RPRD1A: variants seen among roughly 807,000 people sequenced by gnomAD.
RPRD1A encodes regulation of nuclear pre-mRNA domain containing 1A.
A neutral mutation model predicts 37.8 loss-of-function variants in RPRD1A; 9 were observed. That is an observed-to-expected ratio of 0.24 (90% CI 0.14 to 0.42). RPRD1A has a LOEUF of 0.42. Among genes scored for constraint, RPRD1A ranks in the 10% least tolerant of loss-of-function variants. RPRD1A has a pLI of 1.00. For missense variants in RPRD1A, 255 were observed against 371.0 expected, an observed-to-expected ratio of 0.69 and a Z score of 2.57; for synonymous variants, 138 against 139.7, an observed-to-expected ratio of 0.99 and a Z score of 0.08.
chr18:36,030,965 G>C (rs768960018), intron 3 of RPRD1A, 26 bp downstream of exon 3: 1 of 1,595,096 alleles, frequency 6.3e-7, no homozygotes, highest in South Asian at 1.1e-5. Flanking sequence ...AGAGATCAAG[G>C]TAAGAGATCA....
chr18:36,054,891 G>A (rs1568150610), intron 1 of RPRD1A, among the ~76,000 whole-genome samples: 1 of 152,140 alleles, frequency 6.6e-6, no homozygotes. Flanking sequence ...CTCAAAGGCA[G>A]TCAGCAGAAG....
chr18:36,045,684 T>C (rs2144355018), intron 1 of RPRD1A, among the ~76,000 whole-genome samples: 1 of 152,296 alleles, frequency 6.6e-6, no homozygotes, highest in South Asian at 2.1e-4. Flanking sequence ...CCTGATGAAA[T>C]GATGGGTCTA....
chr18:36,052,177 A>T (rs538361920), intron 1 of RPRD1A, among the ~76,000 whole-genome samples: 1 of 148,430 alleles, frequency 6.7e-6, no homozygotes, highest in South Asian at 2.1e-4. Context: ...AAAAACTGTC[A>T]ACCAAGATTT....
intron 1 of RPRD1A, among the ~76,000 whole-genome samples, chr18:36,050,557 C>T (rs1002815360): frequency 1.3e-5 from 2 of 151,954 alleles, no homozygotes; most frequent in Non-Finnish European, 2.9e-5. Context: ...CAAAAAACAA[C>T]TCAATTCAAA....
At chr18:36,049,723 T>C (rs889271515) in intron 1 of RPRD1A, among the ~76,000 whole-genome samples, 2 of 152,220 alleles carry the variant, frequency 1.3e-5, no homozygotes, top group Admixed American at 1.3e-4. Flanking sequence ...TGTTGGACAC[T>C]TGGGTTGCTT....
intron 4 of RPRD1A, 74 bp from the exon 5 acceptor site, chr18:36,027,384 T>G (rs1911446419): frequency 3.9e-6 from 6 of 1,526,956 alleles, no homozygotes; most frequent in Non-Finnish European, 5.4e-6. Context: ...TTTCATATTC[T>G]TTCATCCCTA....
chr18:36,040,753 A>G, intron 1 of RPRD1A: 1 of 1,125,596 alleles, frequency 8.9e-7, no homozygotes, highest in Non-Finnish European at 1.2e-6. Flanking sequence ...AAAATTTCTA[A>G]GCTTTTTAGG....
intron 1 of RPRD1A, among the ~76,000 whole-genome samples, chr18:36,049,091 G>A (rs945929208): frequency 1.3e-5 from 2 of 152,112 alleles, no homozygotes; most frequent in South Asian, 2.1e-4. Context: ...TAGTAGAGAC[G>A]GGGTTCCACC....
At chr18:35,997,045 T>A (rs1181450844) in intron 6 of RPRD1A, among the ~76,000 whole-genome samples, 1 of 145,336 alleles carries the variant, frequency 6.9e-6, no homozygotes, top group Non-Finnish European at 1.5e-5. Flanking sequence ...ATATGGCCAC[T>A]ACAGCAAATA....
At chr18:36,062,194 G>A (rs1252735803) in intron 1 of RPRD1A, among the ~76,000 whole-genome samples, 1 of 151,422 alleles carries the variant, frequency 6.6e-6, no homozygotes, top group Admixed American at 6.6e-5. Context: ...GCGGGCGCCT[G>A]TAGTCCCAGC....
intron 1 of RPRD1A, among the ~76,000 whole-genome samples, chr18:36,044,115 T>C (rs1224478498): frequency 6.6e-6 from 1 of 152,200 alleles, no homozygotes; most frequent in Non-Finnish European, 1.5e-5. Context: ...GTTTTCTCTT[T>C]GTCATTTTAA....
intron 6 of RPRD1A, among the ~76,000 whole-genome samples, chr18:35,999,079 T>C (rs1366530284): frequency 6.8e-6 from 1 of 146,762 alleles, no homozygotes; most frequent in African/African-American, 2.6e-5. Context: ...CTTCCTATGA[T>C]ATACTACTAT....
intron 1 of RPRD1A, among the ~76,000 whole-genome samples, chr18:36,058,315 G>A (rs1913934072): frequency 6.6e-6 from 1 of 152,246 alleles, no homozygotes; most frequent in East Asian, 1.9e-4. Context: ...AGTGCTGGCT[G>A]GGATTACAGG....
intron 1 of RPRD1A, among the ~76,000 whole-genome samples, chr18:36,048,098 C>T (rs1266886149): frequency 7.3e-6 from 1 of 137,500 alleles, no homozygotes; most frequent in Non-Finnish European, 1.5e-5. Context: ...GACAGTTTCG[C>T]TCTTGTTGCC....
At chr18:36,017,348 G>A (rs1196072159) in intron 6 of RPRD1A, among the ~76,000 whole-genome samples, 4 of 152,044 alleles carry the variant, frequency 2.6e-5, no homozygotes, top group African/African-American at 9.7e-5. Context: ...TGTAGTTCAG[G>A]CTTTTACTGC....
At chr18:36,032,236 A>C (rs1911843954) in intron 2 of RPRD1A, among the ~76,000 whole-genome samples, 1 of 147,712 alleles carries the variant, frequency 6.8e-6, no homozygotes, top group Non-Finnish European at 1.5e-5. Flanking sequence ...ATCCAATGAA[A>C]TGTAGGCTCC....
chr18:36,050,327 T>C (rs892862821), intron 1 of RPRD1A, among the ~76,000 whole-genome samples: 26 of 151,806 alleles, frequency 1.7e-4, no homozygotes, highest in African/African-American at 6.3e-4. Flanking sequence ...AGCCTCAACC[T>C]CCTGAGTTGG....
chr18:36,007,606 CA>C (rs1568117271), intron 6 of RPRD1A, among the ~76,000 whole-genome samples: 1 of 152,026 alleles, frequency 6.6e-6, no homozygotes, highest in Non-Finnish European at 1.5e-5. Context: ...ATGAGATCAC[CA>C]CCAAAATCAA....
intron 1 of RPRD1A, among the ~76,000 whole-genome samples, chr18:36,049,429 A>G (rs1913207998): frequency 7.0e-6 from 1 of 143,226 alleles, no homozygotes; most frequent in East Asian, 2.1e-4. Flanking sequence ...ATAATTTTTG[A>G]CCCCCCCCAC....
Sources: gnomAD v4.1 joint callset for allele counts (sites outside exome capture counted in the v4.1 genomes callset) on GRCh38, gnomAD v4.1.1 for gene constraint, MANE v1.5 for transcripts, NCBI Gene and HGNC (gene_info 2026-07-23, HGNC 2026-07-21) for gene names.